Variants in BNC2 observed in about 807,000 individuals in gnomAD.
The protein encoded by BNC2 is basonuclin zinc finger protein 2, also known as zinc finger protein basonuclin-2.
In BNC2, 20 loss-of-function variants were observed where a neutral mutation model predicts 76.3. The ratio of observed to expected loss-of-function variants is 0.26; its 90% CI spans 0.18 to 0.38. The LOEUF is 0.38. BNC2 is among the 10% of genes least tolerant of loss of function. The probability of loss-of-function intolerance (pLI) is 1.00; values close to 1 mark genes in which losing one functional copy is unlikely to be tolerated. For synonymous variants in BNC2, 582 were observed against 514.8 expected, an observed-to-expected ratio of 1.13 and a Z score of -1.77; for missense variants, 1,382 against 1,399.8, an observed-to-expected ratio of 0.99 and a Z score of 0.20.
At chr9:16,855,678 C>T (rs1301501969) in intron 1 of BNC2, among the ~76,000 whole-genome samples, 1 of 152,038 alleles carries the variant, frequency 6.6e-6, no homozygotes, top group Non-Finnish European at 1.5e-5. Flanking sequence ...GCTGGGACTA[C>T]AGGCGCCCGC....
intron 3 of BNC2, among the ~76,000 whole-genome samples, chr9:16,667,854 G>T (rs1396240167): frequency 6.6e-6 from 1 of 152,134 alleles, no homozygotes; most frequent in Non-Finnish European, 1.5e-5. Context: ...GCATCTTTTA[G>T]GTGGGCTTAC....
Position 16,436,427 on chromosome 9 carries a change from G to C in BNC2, c.1767C>G (p.Leu589=), listed in dbSNP as rs1253657823. Residue 589 remains leucine (L), a synonymous_variant, in exon 6 of 7, where the codon CTC becomes CTG. Coordinates refer to ENST00000380672, the MANE Select transcript of BNC2 (RefSeq NM_017637.6). ...TGGTTGGAATGATGGGACTGGTTGGGAGGGAGGTTGGAGGACTCACCATTT... is the reference window on the plus strand; with the variant it reads ...TGGTTGGAATGATGGGACTGGTTGGCAGGGAGGTTGGAGGACTCACCATTT... ...PGEMVSPPTS[L]PTSPIIPTSG... 1 of 1,614,120 alleles carries C rather than the reference G, an allele frequency of 6.2e-7. No individual in the cohort carries two copies.
chr9:16,488,665 A>G (rs1298028723), intron 5 of BNC2, among the ~76,000 whole-genome samples: 1 of 152,202 alleles, frequency 6.6e-6, no homozygotes, highest in Non-Finnish European at 1.5e-5. Flanking sequence ...CTTCCTATAA[A>G]AAGGAATGCT....
chr9:16,415,934 T>C lies in BNC2; in HGVS notation c.*3055A>G, dbSNP rs1820576354. On this transcript the variant is annotated 3_prime_UTR_variant, in exon 7 of 7. Coordinates refer to ENST00000380672, the MANE Select transcript of BNC2 (RefSeq NM_017637.6). ...TGTCCAGGACTTATTGCCACTTCTCTGACAAAACACAGGTGAACACATTCA... is the reference window on the plus strand; with the variant it reads ...TGTCCAGGACTTATTGCCACTTCTCCGACAAAACACAGGTGAACACATTCA... The C allele has an allele frequency of 6.6e-6, 1 of 152,180 alleles. No individual in the cohort carries two copies. The highest frequency in any genetic ancestry group is 2.4e-5 in the African/African-American group (1 of 41,452). 9.4% of individuals were successfully genotyped at this position (152,180 alleles called of 1,614,324 possible).
In BNC2 at chr9:16,589,913, G is replaced by T. The variant is rs557626576; in HGVS notation, c.331-6828C>A. On this transcript the variant is annotated intron_variant, in intron 3 of 6. Coordinates refer to ENST00000380672, the MANE Select transcript of BNC2 (RefSeq NM_017637.6). ...TTAAAATATTTTAAAATGCTTAATA[G>T]TTAAGTACATGACCTACATTAATAT... is the stretch of plus-strand genomic sequence containing the variant. Among the ~76,000 whole-genome samples, 550 of 152,246 alleles carry T rather than the reference G, an allele frequency of 3.6e-3. 3 individuals carry two copies. Among genetic ancestry groups the T allele is most frequent in the African/African-American group, 0.012 (513 of 41,560 alleles).
At chr9:16,589,872 T>C (rs568093499) in intron 3 of BNC2, among the ~76,000 whole-genome samples, 3 of 152,182 alleles carry the variant, frequency 2.0e-5, no homozygotes, top group African/African-American at 4.8e-5. Context: ...AGATTTACAA[T>C]ATGAATTATG....
chr9:16,644,447 A>G (rs1821570170), intron 3 of BNC2, among the ~76,000 whole-genome samples: 1 of 152,216 alleles, frequency 6.6e-6, no homozygotes, highest in African/African-American at 2.4e-5. Context: ...TAAAGCTGGT[A>G]CTATCTAATC....
At chr9:16,564,688 TTG>T (rs1487701540) in intron 4 of BNC2, among the ~76,000 whole-genome samples, 2 of 152,186 alleles carry the variant, frequency 1.3e-5, no homozygotes, top group Non-Finnish European at 2.9e-5. Flanking sequence ...TCAGACTTCT[TTG>T]TGTGTCATTT....
intron 5 of BNC2, among the ~76,000 whole-genome samples, chr9:16,496,434 G>A (rs987004079): frequency 2.0e-5 from 3 of 152,122 alleles, no homozygotes; most frequent in African/African-American, 7.2e-5. Flanking sequence ...CACCATTATT[G>A]TGACAATGAC....
intron 5 of BNC2, among the ~76,000 whole-genome samples, chr9:16,531,579 A>C (rs1158188805): frequency 6.6e-6 from 1 of 152,096 alleles, no homozygotes; most frequent in African/African-American, 2.4e-5. Flanking sequence ...TTTCAGTAAA[A>C]ACAAACAAAC....
chr9:16,652,734 C>T (rs1378837753), intron 3 of BNC2, among the ~76,000 whole-genome samples: 2 of 152,116 alleles, frequency 1.3e-5, no homozygotes, highest in African/African-American at 4.8e-5. Context: ...TCATGGACAG[C>T]TCAATCTTAT....
At chr9:16,617,241 A>G (rs562575303) in intron 3 of BNC2, among the ~76,000 whole-genome samples, 6 of 152,270 alleles carry the variant, frequency 3.9e-5, no homozygotes, top group Non-Finnish European at 8.8e-5. Context: ...AAAAAAACCT[A>G]CTTTTGAACT....
intron 5 of BNC2, among the ~76,000 whole-genome samples, chr9:16,463,272 G>A (rs1378025633): frequency 6.6e-6 from 1 of 150,436 alleles, no homozygotes; most frequent in Non-Finnish European, 1.5e-5. Flanking sequence ...ATTTGCCACT[G>A]TGAGCATACA....
In BNC2 at chr9:16,511,105, CT is replaced by C. The variant is rs34511398; in HGVS notation, c.669+41424del. Among the ~76,000 whole-genome samples, 1,240 of 125,204 alleles carry C rather than the reference CT, an allele frequency of 9.9e-3. 10 individuals carry two copies. Among genetic ancestry groups the C allele is most frequent in the Middle Eastern group, 0.029 (7 of 242 alleles). 82.1% of individuals were successfully genotyped at this position (125,204 alleles called of 152,430 possible). The stretch of plus-strand genomic sequence containing the variant: ...AAGCTAATGGAGATCACTAAACTTA[CT>C]TTTTTTTTTTTTTTTTTTTTAAGAA... On this transcript the variant is annotated intron_variant, in intron 5 of 6. Coordinates refer to ENST00000380672, the MANE Select transcript of BNC2 (RefSeq NM_017637.6).
chr9:16,826,693 GATC>G (rs1818460316), intron 1 of BNC2, among the ~76,000 whole-genome samples: 1 of 152,110 alleles, frequency 6.6e-6, no homozygotes, highest in South Asian at 2.1e-4. Context: ...CATGGATTTT[GATC>G]ATCTACTTAG....
chr9:16,798,257 G>C (rs1228956032), intron 1 of BNC2, among the ~76,000 whole-genome samples: 1 of 152,128 alleles, frequency 6.6e-6, no homozygotes, highest in African/African-American at 2.4e-5. Context: ...ATATATCTTT[G>C]ATGTCCCACC....
chr9:16,676,604 G>C lies in BNC2; in HGVS notation c.330+51193C>G, dbSNP rs1305621612. ...AGAGAGAATGCAGAAATGTAGTTAA[G>C]TTCTCAGGCCATTCAACCAAAGTTT... On this transcript the variant is annotated intron_variant, in intron 3 of 6. Coordinates refer to ENST00000380672, the MANE Select transcript of BNC2 (RefSeq NM_017637.6). Among the ~76,000 whole-genome samples, 24 of 152,198 alleles carry C rather than the reference G, an allele frequency of 1.6e-4. 1 individual carries two copies. Among genetic ancestry groups the C allele is most frequent in the Admixed American group, 1.6e-3 (24 of 15,284 alleles).
At position 16,824,248 on chromosome 9, in the gene BNC2, T is replaced by C. The variant is rs1480733268; in HGVS notation, c.3+46398A>G. On this transcript the variant is annotated intron_variant, in intron 1 of 6. Coordinates refer to ENST00000380672, the MANE Select transcript of BNC2 (RefSeq NM_017637.6). ...TTTTCCCTGAAGTGTTAAAGGGTTT[T>C]TTTTGGTTGGTTTTTTAATGTTTGG... 2.0e-5 allele frequency among the ~76,000 whole-genome samples: 3 copies of C among 152,270 alleles called. No homozygotes were observed. The East Asian group carries it at 5.8e-4, about 29-fold the overall frequency.
rs565670817 is a variant in BNC2 at position 16,580,656 on chromosome 9, C to T, written c.433+2327G>A. On this transcript the variant is annotated intron_variant, in intron 4 of 6. Coordinates refer to ENST00000380672, the MANE Select transcript of BNC2 (RefSeq NM_017637.6). ...TTAAATAGATAAAACAAACTGGTGACACAGTTAACTTTTATACTCCAAGGC... is the reference window on the plus strand; with the variant it reads ...TTAAATAGATAAAACAAACTGGTGATACAGTTAACTTTTATACTCCAAGGC... Among the ~76,000 whole-genome samples, 5 of 152,124 alleles carry T rather than the reference C, an allele frequency of 3.3e-5. No homozygotes were observed. The South Asian group carries it at 1.0e-3, about 32-fold the overall frequency.
Sources: allele counts gnomAD v4.1 joint callset (sites outside exome capture counted in the v4.1 genomes callset), GRCh38; gene constraint gnomAD v4.1.1; transcripts MANE v1.5; gene names NCBI Gene and HGNC (gene_info 2026-07-23, HGNC 2026-07-21).